The following BICRAL variants were observed in gnomAD, a reference collection of about 807,000 sequenced individuals.
BICRAL encodes BRD4-interacting chromatin-remodeling complex-associated protein-like.
A neutral mutation model predicts 91.8 loss-of-function variants in BICRAL; 8 were observed. The ratio of observed to expected loss-of-function variants is 0.09; its 90% CI spans 0.05 to 0.16. The LOEUF (loss-of-function observed/expected upper bound fraction) is 0.16. BICRAL is among the 10% of genes least tolerant of loss of function. The pLI is 1.00. For missense variants in BICRAL, 1,038 were observed against 1,310.9 expected (o/e 0.79, Z 3.21); for synonymous variants, 445 against 491.1 (o/e 0.91, Z 1.24).
rs1653743684 is a variant in BICRAL, at chr6:42,826,922, G to T, written c.160-1571G>T. Among the ~76,000 whole-genome samples the T allele has an allele frequency of 2.0e-5, 3 of 152,072 alleles. No individual in the cohort carries two copies. In the South Asian group the frequency reaches 6.2e-4, roughly 32 times the overall value. On this transcript the variant is annotated intron_variant, in intron 5 of 12. Coordinates refer to ENST00000314073, the MANE Select transcript of BICRAL (RefSeq NM_001393499.1). ...CTCCCTCAGCCTCCTTAGTAGCTGG[G>T]ATTACAGGCATGCGCCACCACCCCC...
intron 5 of BICRAL, among the ~76,000 whole-genome samples, chr6:42,827,584 C>T (rs889956771): frequency 2.0e-5 from 3 of 152,138 alleles, no homozygotes; most frequent in African/African-American, 4.8e-5. Flanking sequence ...GTAGCAATCT[C>T]GAAAATACTC....
intron 2 of BICRAL, among the ~76,000 whole-genome samples, chr6:42,820,490 G>C (rs1434851285): frequency 6.6e-6 from 1 of 152,092 alleles, no homozygotes; most frequent in Admixed American, 6.5e-5. Flanking sequence ...ACTAAATGTC[G>C]TCAGGATTTA....
chr6:42,836,273 A>G (rs912446139), intron 6 of BICRAL, among the ~76,000 whole-genome samples: 1 of 152,182 alleles, frequency 6.6e-6, no homozygotes, highest in Non-Finnish European at 1.5e-5. Context: ...TCTTTGCTAT[A>G]TAATAAATAA....
At chr6:42,837,453 T>C (rs1211630730) in intron 6 of BICRAL, among the ~76,000 whole-genome samples, 2 of 151,314 alleles carry the variant, frequency 1.3e-5, no homozygotes, top group Non-Finnish European at 2.9e-5. Context: ...ATTAACTTGG[T>C]TCAAAAAATC....
chr6:42,750,663 C>T (rs1053434911), intron 1 of BICRAL, among the ~76,000 whole-genome samples: 1 of 152,048 alleles, frequency 6.6e-6, no homozygotes, highest in Non-Finnish European at 1.5e-5. Context: ...GCAACCTCCA[C>T]CTCCTGGGTT....
chr6:42,859,705 G>T (rs1361019610), intron 10 of BICRAL, among the ~76,000 whole-genome samples: 1 of 151,916 alleles, frequency 6.6e-6, no homozygotes, highest in Non-Finnish European at 1.5e-5. Context: ...GCAGTGGCAC[G>T]ATCTTGGCTC....
chr6:42,845,087 A>G (rs1233459208), intron 6 of BICRAL, among the ~76,000 whole-genome samples: 1 of 151,018 alleles, frequency 6.6e-6, no homozygotes. Context: ...ATTATAACAC[A>G]CTGATCTATC....
At chr6:42,849,441 A>AT (rs34512306) in intron 6 of BICRAL, among the ~76,000 whole-genome samples, 34,315 of 135,316 alleles carry the variant, frequency 0.25, 4,672 homozygotes, top group South Asian at 0.4. Flanking sequence ...TTTAGAACAG[A>AT]TTTTTTTTTT....
At chr6:42,838,595 A>G (rs965675367) in intron 6 of BICRAL, among the ~76,000 whole-genome samples, 4 of 152,174 alleles carry the variant, frequency 2.6e-5, no homozygotes, top group African/African-American at 9.7e-5. Context: ...TATTATATTG[A>G]TAGTCACAAA....
intron 1 of BICRAL, among the ~76,000 whole-genome samples, chr6:42,782,857 T>C (rs1299687164): frequency 6.6e-6 from 1 of 151,088 alleles, no homozygotes; most frequent in Non-Finnish European, 1.5e-5. Flanking sequence ...GGAAGAAAAA[T>C]AAGCTTTTCC....
chr6:42,845,048 T>G (rs906494554), intron 6 of BICRAL, among the ~76,000 whole-genome samples: 3 of 151,758 alleles, frequency 2.0e-5, no homozygotes, highest in Non-Finnish European at 2.9e-5. Context: ...AGCTGTGGGG[T>G]TGGATTCCAG....
At chr6:42,824,574 T>C (rs1353763740) in intron 5 of BICRAL, among the ~76,000 whole-genome samples, 1 of 152,140 alleles carries the variant, frequency 6.6e-6, no homozygotes, top group African/African-American at 2.4e-5. Context: ...GAACTCCTGA[T>C]CTCAAGTGAT....
At position 42,864,867 on chromosome 6, in the gene BICRAL, C is replaced by G. The variant is rs1754603226; in HGVS notation, c.2661C>G (p.Val887=). The G allele has an allele frequency of 1.9e-6, 3 of 1,614,018 alleles. No homozygotes were observed. Among genetic ancestry groups the G allele is most frequent in the African/African-American group, 1.3e-5 (1 of 74,918 alleles). The change falls in exon 13 of 13, where the codon GTC becomes GTG. Residue 887 remains valine, a synonymous_variant. Coordinates refer to ENST00000314073, the MANE Select transcript of BICRAL (RefSeq NM_001393499.1). The stretch of plus-strand genomic sequence containing the variant: ...ATCTAGTGCCTAATCACATCGTGGT[C>G]TCTGCAGAAGGAAACATTTCTAAAA... ...QFHLVPNHIV[V]SAEGNISKKT...
upstream of BICRAL, among the ~76,000 whole-genome samples, chr6:42,780,245 C>T (rs1214031497): frequency 2.0e-5 from 3 of 152,026 alleles, no homozygotes; most frequent in Non-Finnish European, 4.4e-5. Flanking sequence ...CATTGTATGC[C>T]GGCCCCAACA....
At position 42,868,402 on chromosome 6, in the gene BICRAL, A is replaced by C. The variant is rs1765773505; in HGVS notation, c.*2956A>C. 6.6e-6 allele frequency: 1 copy of C among 152,640 alleles called. No homozygotes were observed. The highest frequency in any genetic ancestry group is 1.5e-5 in the Non-Finnish European group (1 of 68,004). 9.5% of individuals were successfully genotyped at this position (152,640 alleles called of 1,614,324 possible). A position where few individuals can be genotyped will look rare whatever the true frequency, so the allele number is the denominator to read the frequency against. On this transcript the variant is annotated 3_prime_UTR_variant, in exon 13 of 13. Transcript: ENST00000314073. ...ATAAAATGTTTTGTAAAAAAAAAAAAACTATAACAAATTGCAGTTTATTTT... is the reference window on the plus strand; with the variant it reads ...ATAAAATGTTTTGTAAAAAAAAAAACACTATAACAAATTGCAGTTTATTTT...
intron 1 of BICRAL, among the ~76,000 whole-genome samples, chr6:42,782,346 G>C (rs550484377): frequency 5.6e-4 from 81 of 145,584 alleles, no homozygotes; most frequent in African/African-American, 2.0e-3. Context: ...TTTTTTTTGG[G>C]GGGGGGTGGG....
At chr6:42,794,979 T>C (rs1022316481) in intron 1 of BICRAL, among the ~76,000 whole-genome samples, 5 of 149,028 alleles carry the variant, frequency 3.4e-5, no homozygotes, top group Non-Finnish European at 7.4e-5. Context: ...AAAAAGAAAC[T>C]TACCATAAGT....
chr6:42,845,873 C>T (rs767851978), intron 6 of BICRAL, among the ~76,000 whole-genome samples: 22 of 149,692 alleles, frequency 1.5e-4, no homozygotes, highest in African/African-American at 3.5e-4. Flanking sequence ...ACCATCCTGG[C>T]TAACACGGTG....
At chr6:42,802,483 TTG>T (rs1763606260) in intron 1 of BICRAL, among the ~76,000 whole-genome samples, 1 of 151,880 alleles carries the variant, frequency 6.6e-6, no homozygotes, top group Non-Finnish European at 1.5e-5. Flanking sequence ...AGTTTCGCCC[TTG>T]TTGCCCAGGC....
Sources: gnomAD v4.1 joint callset for allele counts (sites outside exome capture counted in the v4.1 genomes callset) on GRCh38, gnomAD v4.1.1 for gene constraint, MANE v1.5 for transcripts, NCBI Gene and HGNC (gene_info 2026-07-23, HGNC 2026-07-21) for gene names.